The following PDE3A variants were observed in gnomAD, a reference collection of about 807,000 sequenced individuals.
PDE3A encodes the protein phosphodiesterase 3A, also known as cGMP-inhibited 3',5'-cyclic phosphodiesterase 3A.
Under a neutral mutation model 98.3 loss-of-function variants are expected in PDE3A, and 43 were observed. The observed-to-expected ratio is 0.44, with a 90% CI of 0.34 to 0.56. The LOEUF is 0.56. Among genes scored for constraint, PDE3A ranks in the 20% least tolerant of loss-of-function variants. The pLI is 0.01. For missense variants in PDE3A, 1,427 were observed against 1,440.7 expected, an observed-to-expected ratio of 0.99 and a Z score of 0.15; for synonymous variants, 663 against 567.9, an observed-to-expected ratio of 1.17 and a Z score of -2.38.
At chr12:20,540,437 A>C (rs1941863607) in intron 1 of PDE3A, among the ~76,000 whole-genome samples, 1 of 152,080 alleles carries the variant, frequency 6.6e-6, no homozygotes, top group Admixed American at 6.6e-5. Context: ...TAATTTATTG[A>C]TTCTGAAAAG....
intron 15 of PDE3A, among the ~76,000 whole-genome samples, chr12:20,677,859 T>G (rs1452549290): frequency 1.3e-5 from 2 of 152,136 alleles, no homozygotes; most frequent in Admixed American, 6.6e-5. Flanking sequence ...TCTCTATGAT[T>G]TATTTGACTG....
At chr12:20,515,409 TAATG>T (rs1946299592) in intron 1 of PDE3A, among the ~76,000 whole-genome samples, 2 of 152,234 alleles carry the variant, frequency 1.3e-5, no homozygotes, top group South Asian at 2.1e-4. Flanking sequence ...AAGCAAGTGT[TAATG>T]AATGAGTGTA....
At chr12:20,520,083 G>A (rs1282200192) in intron 1 of PDE3A, among the ~76,000 whole-genome samples, 1 of 152,182 alleles carries the variant, frequency 6.6e-6, no homozygotes, top group Non-Finnish European at 1.5e-5. Flanking sequence ...GCTAAAGCCT[G>A]TGAATTGCAC....
chr12:20,567,610 A>G (rs969118250), intron 2 of PDE3A, among the ~76,000 whole-genome samples: 12 of 151,042 alleles, frequency 7.9e-5, no homozygotes, highest in Non-Finnish European at 1.2e-4. Flanking sequence ...GCATGTGACT[A>G]CTCCCCCCCA....
chr12:20,583,680 T>C (rs1234528082), intron 2 of PDE3A, among the ~76,000 whole-genome samples: 4 of 152,200 alleles, frequency 2.6e-5, no homozygotes, highest in Non-Finnish European at 4.4e-5. Context: ...ATAATCTATA[T>C]AAAGTGCATA....
At chr12:20,648,322 CTTT>C (rs1229950932) in intron 12 of PDE3A, among the ~76,000 whole-genome samples, 5 of 149,142 alleles carry the variant, frequency 3.4e-5, no homozygotes, top group South Asian at 2.1e-4. Flanking sequence ...TAATTTTTTT[CTTT>C]TTTCTTTCTC....
intron 1 of PDE3A, among the ~76,000 whole-genome samples, chr12:20,400,390 T>TGTTTTTTG (rs1565537326): frequency 1.5e-4 from 1 of 6,694 alleles, no homozygotes; most frequent in Admixed American, 3.1e-3. Context: ...TTTTTTTTTT[T>TGTTTTTTG]TTTTTTTTTT....
chr12:20,420,648 G>T lies in PDE3A; in HGVS notation c.960+50404G>T, dbSNP rs568323659. The stretch of plus-strand genomic sequence containing the variant: ...TTGGTTACATGATTTTTTTTCAAGA[G>T]CAATGTACAGGAAGCACAGGCCTTA... On this transcript the variant is annotated intron_variant, in intron 1 of 15. Coordinates refer to ENST00000359062, the MANE Select transcript of PDE3A (RefSeq NM_000921.5). Among the ~76,000 whole-genome samples, 19 of 152,140 alleles carry T rather than the reference G, an allele frequency of 1.2e-4. 1 individual carries two copies. In the South Asian group the frequency reaches 3.7e-3, roughly 30 times the overall value.
chr12:20,656,308 ATT>A (rs1264018171), intron 15 of PDE3A, among the ~76,000 whole-genome samples: 2 of 152,192 alleles, frequency 1.3e-5, no homozygotes, highest in Admixed American at 6.5e-5. Context: ...CTACTGATCC[ATT>A]TTGCTCTCAT....
intron 2 of PDE3A, among the ~76,000 whole-genome samples, chr12:20,580,718 A>G (rs961839352): frequency 3.9e-5 from 6 of 152,162 alleles, no homozygotes; most frequent in Non-Finnish European, 7.3e-5. Flanking sequence ...TTTTTGTGAC[A>G]TCAAGAGCAA....
intron 15 of PDE3A, among the ~76,000 whole-genome samples, chr12:20,677,857 A>T (rs954821303): frequency 1.3e-5 from 2 of 152,016 alleles, no homozygotes; most frequent in African/African-American, 4.8e-5. Flanking sequence ...AGTCTCTATG[A>T]TTTATTTGAC....
At chr12:20,637,287 C>T (rs1213333280) in intron 9 of PDE3A, 50 bp downstream of exon 9, 3 of 1,407,106 alleles carry the variant, frequency 2.1e-6, no homozygotes, top group East Asian at 4.7e-5. Flanking sequence ...AAAACAGTTC[C>T]TTTGTTGCTT....
intron 1 of PDE3A, among the ~76,000 whole-genome samples, chr12:20,414,499 A>G (rs1944388134): frequency 6.6e-6 from 1 of 152,220 alleles, no homozygotes; most frequent in Admixed American, 6.5e-5. Context: ...TGAAAAATAC[A>G]ATTCAGCTTC....
chr12:20,602,050 A>AT (rs143572662), intron 2 of PDE3A, among the ~76,000 whole-genome samples: 220 of 152,290 alleles, frequency 1.4e-3, no homozygotes, highest in African/African-American at 5.0e-3. Context: ...ACTCTTTCTC[A>AT]TATCAGAGAA....
At chr12:20,505,458 T>C (rs1404387136) in intron 1 of PDE3A, among the ~76,000 whole-genome samples, 2 of 141,978 alleles carry the variant, frequency 1.4e-5, no homozygotes, top group Non-Finnish European at 3.1e-5. Flanking sequence ...TTTCCATATG[T>C]GGTACATTTT....
At chr12:20,406,255 G>A (rs1944230807) in intron 1 of PDE3A, among the ~76,000 whole-genome samples, 1 of 152,178 alleles carries the variant, frequency 6.6e-6, no homozygotes, top group African/African-American at 2.4e-5. Context: ...ACCCATAAAT[G>A]AGATTGCTGG....
In PDE3A at chr12:20,577,380, C is replaced by T. The variant is rs758142980; in HGVS notation, c.1011+20670C>T. On this transcript the variant is annotated intron_variant, in intron 2 of 15. Transcript: ENST00000359062. The stretch of plus-strand genomic sequence containing the variant: ...CCTGCTAAGGACCTGGGAATTCACC[C>T]GGTAGATAATAAAGAACAATCAAAG... Among the ~76,000 whole-genome samples, 3 of 152,192 alleles carry T rather than the reference C, an allele frequency of 2.0e-5. No individual in the cohort carries two copies. The East Asian group carries it at 5.8e-4, about 30-fold the overall frequency.
At chr12:20,635,577 C>CAA (rs770373365) in intron 8 of PDE3A, among the ~76,000 whole-genome samples, 23,286 of 119,032 alleles carry the variant, frequency 0.2, 2,613 homozygotes, top group East Asian at 0.42. Context: ...GACTCTGTCT[C>CAA]AAAAAAAAAA....
chr12:20,633,479 C>A (rs1199687243), intron 6 of PDE3A, among the ~76,000 whole-genome samples: 1 of 152,132 alleles, frequency 6.6e-6, no homozygotes, highest in East Asian at 1.9e-4. Context: ...ACTTTCTAAT[C>A]CTTTGTATTG....
Sources: allele counts gnomAD v4.1 joint callset (sites outside exome capture counted in the v4.1 genomes callset), GRCh38; gene constraint gnomAD v4.1.1; transcripts MANE v1.5; gene names NCBI Gene and HGNC (gene_info 2026-07-23, HGNC 2026-07-21).